The following CHODL variants were observed in gnomAD, a reference collection of about 807,000 sequenced individuals.
The protein encoded by CHODL is chondrolectin, also known as transmembrane protein MT75.
Under a neutral mutation model 34.5 loss-of-function variants are expected in CHODL, and 29 were observed. The ratio of observed to expected loss-of-function variants is 0.84; its 90% CI spans 0.63 to 1.15. CHODL has a LOEUF of 1.15. Among genes scored for constraint, CHODL ranks in the 50% most tolerant of loss-of-function variants. The pLI is 0.00. For missense variants in CHODL, 332 were observed against 332.5 expected (o/e 1.00, Z 0.01); for synonymous variants, 125 against 116.1 (o/e 1.08, Z -0.49).
intron 2 of CHODL, among the ~76,000 whole-genome samples, chr21:18,131,473 A>C (rs2072654184): frequency 6.6e-6 from 1 of 152,204 alleles, no homozygotes; most frequent in South Asian, 2.1e-4. Context: ...GTAACAATAA[A>C]TTAGAATGTT....
At chr21:17,935,728 T>G (rs1844091296) in intron 1 of CHODL, among the ~76,000 whole-genome samples, 1 of 152,144 alleles carries the variant, frequency 6.6e-6, no homozygotes. Context: ...GCATGGAGAA[T>G]AATTAGGAAA....
intron 2 of CHODL, among the ~76,000 whole-genome samples, chr21:18,108,147 C>CT (rs67320180): frequency 0.18 from 25,893 of 147,252 alleles, 4,229 homozygotes; most frequent in African/African-American, 0.43. Context: ...ATCAGATTCA[C>CT]TTTTTTTTTT....
chr21:17,984,324 G>A (rs866073050), intron 1 of CHODL, among the ~76,000 whole-genome samples: 2 of 152,070 alleles, frequency 1.3e-5, no homozygotes, highest in African/African-American at 4.8e-5. Context: ...TAATTGTACC[G>A]TGAACATGGG....
intron 2 of CHODL, among the ~76,000 whole-genome samples, chr21:18,052,690 C>A (rs527662091): frequency 1.3e-5 from 2 of 151,932 alleles, no homozygotes; most frequent in Non-Finnish European, 2.9e-5. Flanking sequence ...AGTACTGACA[C>A]GTCTTTCCTG....
intron 2 of CHODL, among the ~76,000 whole-genome samples, chr21:18,172,588 A>G (rs1240332524): frequency 1.3e-5 from 2 of 152,086 alleles, no homozygotes; most frequent in Non-Finnish European, 2.9e-5. Context: ...TTTTAATGGA[A>G]TAAACATTCT....
chr21:18,028,868 T>C (rs1223532440), intron 2 of CHODL, among the ~76,000 whole-genome samples: 1 of 152,160 alleles, frequency 6.6e-6, no homozygotes, highest in East Asian at 1.9e-4. Context: ...GACAGATATA[T>C]GTTTTGTCAG....
intron 2 of CHODL, among the ~76,000 whole-genome samples, chr21:18,237,190 T>C (rs1346403963): frequency 2.0e-5 from 3 of 152,118 alleles, no homozygotes; most frequent in African/African-American, 7.2e-5. Context: ...ACAAGATGTG[T>C]GGTTACCATA....
intron 2 of CHODL, among the ~76,000 whole-genome samples, chr21:18,038,147 T>C (rs77482866): frequency 0.017 from 2,607 of 151,730 alleles, 157 homozygotes; most frequent in East Asian, 0.15. Flanking sequence ...GCCTCAGACT[T>C]CTCTTTAGTA....
intron 2 of CHODL, among the ~76,000 whole-genome samples, chr21:18,133,671 C>T (rs929351912): frequency 1.3e-5 from 2 of 152,022 alleles, no homozygotes; most frequent in Admixed American, 1.3e-4. Context: ...GCGTATAGCC[C>T]CCTTTAGAAG....
intron 2 of CHODL, among the ~76,000 whole-genome samples, chr21:18,108,202 A>G (rs1460944372): frequency 6.6e-6 from 1 of 151,580 alleles, no homozygotes; most frequent in Non-Finnish European, 1.5e-5. Context: ...GCCTTTGGGA[A>G]TACTAGTTAT....
chr21:17,992,437 A>C (rs2063804600), intron 1 of CHODL, among the ~76,000 whole-genome samples: 1 of 152,120 alleles, frequency 6.6e-6, no homozygotes, highest in Non-Finnish European at 1.5e-5. Context: ...CTTCCAATCC[A>C]TGAGCATGGG....
intron 2 of CHODL, among the ~76,000 whole-genome samples, chr21:18,163,172 T>C (rs1229018143): frequency 6.6e-6 from 1 of 152,240 alleles, no homozygotes; most frequent in African/African-American, 2.4e-5. Flanking sequence ...TGTAAGTGAA[T>C]ATTTATTGAA....
intron 1 of CHODL, among the ~76,000 whole-genome samples, chr21:17,922,734 T>C (rs1388986052): frequency 6.6e-6 from 1 of 152,208 alleles, no homozygotes; most frequent in Admixed American, 6.5e-5. Context: ...TTTTACTGAA[T>C]GCACTGAGAT....
intron 2 of CHODL, among the ~76,000 whole-genome samples, chr21:18,109,641 T>A (rs735547): frequency 0.78 from 118,711 of 152,062 alleles, 46,897 homozygotes; most frequent in Middle Eastern, 0.9. Flanking sequence ...CCCCTCATCT[T>A]TCTGGAGATT....
At chr21:18,124,606 T>A (rs1217861084) in intron 2 of CHODL, among the ~76,000 whole-genome samples, 1 of 152,168 alleles carries the variant, frequency 6.6e-6, no homozygotes, top group African/African-American at 2.4e-5. Context: ...ATTTAAAAAA[T>A]TTTCGTGGTG....
chr21:18,104,580 A>G (rs1247622062), intron 2 of CHODL, among the ~76,000 whole-genome samples: 1 of 152,190 alleles, frequency 6.6e-6, no homozygotes, highest in Non-Finnish European at 1.5e-5. Flanking sequence ...GGCTCAAACC[A>G]TATGGGATCT....
chr21:18,066,434 G>A (rs911126282), intron 2 of CHODL, among the ~76,000 whole-genome samples: 1 of 152,060 alleles, frequency 6.6e-6, no homozygotes, highest in Non-Finnish European at 1.5e-5. Context: ...TTGAATGACC[G>A]TCTCTAGGAA....
intron 2 of CHODL, among the ~76,000 whole-genome samples, chr21:18,069,556 A>G (rs1324546524): frequency 6.6e-6 from 1 of 151,246 alleles, no homozygotes; most frequent in African/African-American, 2.4e-5. Flanking sequence ...ATATATATAT[A>G]TGGATTATTT....
chr21:17,950,374 A>G (rs1447616360), intron 1 of CHODL, among the ~76,000 whole-genome samples: 2 of 152,062 alleles, frequency 1.3e-5, no homozygotes, highest in Non-Finnish European at 2.9e-5. Flanking sequence ...GTGCTTGAGA[A>G]TAAAATGAGA....
Sources: allele counts gnomAD v4.1 joint callset (sites outside exome capture counted in the v4.1 genomes callset), GRCh38; gene constraint gnomAD v4.1.1; transcripts MANE v1.5; gene names NCBI Gene and HGNC (gene_info 2026-07-23, HGNC 2026-07-21).